Variants in PCDH9 observed in about 807,000 individuals in gnomAD.
The protein encoded by PCDH9 is protocadherin-9.
A neutral mutation model predicts 70.6 loss-of-function variants in PCDH9; 24 were observed. That is an observed-to-expected ratio of 0.34 (90% CI 0.25 to 0.48). PCDH9 has a LOEUF of 0.48. Ranked by LOEUF, PCDH9 falls within the 20% of genes least tolerant of loss-of-function variation. The probability of loss-of-function intolerance (pLI) is 0.99; values close to 1 mark genes in which losing one functional copy is unlikely to be tolerated. For missense variants in PCDH9, 1,281 were observed against 1,503.6 expected (o/e 0.85, Z 2.45); for synonymous variants, 562 against 558.5 (o/e 1.01, Z -0.09).
intron 4 of PCDH9, among the ~76,000 whole-genome samples, chr13:66,545,809 C>CTTAAT (rs1961160961): frequency 7.0e-6 from 1 of 143,404 alleles, no homozygotes; most frequent in South Asian, 2.2e-4. Context: ...TTTTATTTTA[C>CTTAAT]TTTATTTTAT....
intron 4 of PCDH9, among the ~76,000 whole-genome samples, chr13:66,353,478 A>T (rs1956326673): frequency 6.6e-6 from 1 of 152,188 alleles, no homozygotes; most frequent in African/African-American, 2.4e-5. Flanking sequence ...GTGTTTAAGC[A>T]TCACTTTTCA....
chr13:67,153,203 G>A (rs970862184), intron 2 of PCDH9, among the ~76,000 whole-genome samples: 1 of 151,378 alleles, frequency 6.6e-6, no homozygotes, highest in Admixed American at 6.6e-5. Context: ...TCTCCGTCCT[G>A]CAGTCTAGAG....
At position 66,305,037 on chromosome 13, in the gene PCDH9, G is replaced by A; in HGVS notation, c.3341-9C>T. Reference sequence around the variant, plus strand: ...GGGACCCAAAGGCCCATCTGCAGAAGACAAGAGAGAGAAAATAAGAAAAGG... The same window carrying A: ...GGGACCCAAAGGCCCATCTGCAGAAAACAAGAGAGAGAAAATAAGAAAAGG... On this transcript the variant is annotated splice_polypyrimidine_tract_variant and intron_variant, in intron 4 of 4. Transcript: ENST00000377865. 6.4e-7 allele frequency: 1 copy of A among 1,570,588 alleles called. No homozygotes were observed. Among genetic ancestry groups the A allele is most frequent in the Non-Finnish European group, 8.6e-7 (1 of 1,159,644 alleles).
intron 4 of PCDH9, among the ~76,000 whole-genome samples, chr13:66,369,183 A>C (rs1479806851): frequency 6.6e-6 from 1 of 152,112 alleles, no homozygotes; most frequent in Non-Finnish European, 1.5e-5. Context: ...TTTAAGGGTG[A>C]ACATCTGTGC....
At chr13:67,193,258 C>T (rs1033491679) in intron 2 of PCDH9, among the ~76,000 whole-genome samples, 17 of 151,716 alleles carry the variant, frequency 1.1e-4, no homozygotes, top group African/African-American at 4.1e-4. Context: ...GTCATAAGAT[C>T]TTCCCTTTCC....
chr13:66,458,820 T>C (rs17081330), intron 4 of PCDH9, among the ~76,000 whole-genome samples: 2,770 of 152,114 alleles, frequency 0.018, 74 homozygotes, highest in African/African-American at 0.062. Flanking sequence ...CCACTTAAAC[T>C]AAAAGTTAAA....
chr13:67,097,495 A>G (rs367931267), intron 2 of PCDH9, among the ~76,000 whole-genome samples: 33 of 152,096 alleles, frequency 2.2e-4, no homozygotes, highest in African/African-American at 7.2e-4. Context: ...GAAAAAAAAT[A>G]CTTTAATTGT....
At chr13:67,045,467 G>A (rs889200510) in intron 2 of PCDH9, among the ~76,000 whole-genome samples, 3 of 151,554 alleles carry the variant, frequency 2.0e-5, no homozygotes, top group African/African-American at 7.3e-5. Flanking sequence ...CAACAACTTT[G>A]TCTCTCTCTC....
intron 2 of PCDH9, among the ~76,000 whole-genome samples, chr13:67,062,154 A>G (rs1399848324): frequency 6.6e-6 from 1 of 152,162 alleles, no homozygotes; most frequent in East Asian, 1.9e-4. Flanking sequence ...GCCCCAAGTG[A>G]CAGCAAATCA....
chr13:67,220,804 CAT>C (rs1335136087), intron 2 of PCDH9: 1 of 152,062 alleles, frequency 6.6e-6, no homozygotes, highest in Non-Finnish European at 1.5e-5. Flanking sequence ...AGTAACTTTT[CAT>C]TTTTATTCTG....
chr13:67,195,535 A>G (rs1259621202), intron 2 of PCDH9, among the ~76,000 whole-genome samples: 4 of 152,122 alleles, frequency 2.6e-5, no homozygotes, highest in Non-Finnish European at 4.4e-5. Flanking sequence ...ATAATTCGTT[A>G]CTCTTAAGAC....
At chr13:66,428,998 A>T (rs1298746048) in intron 4 of PCDH9, among the ~76,000 whole-genome samples, 3 of 151,864 alleles carry the variant, frequency 2.0e-5, no homozygotes. Context: ...AAGAAAGTTG[A>T]AAAGACGAAA....
chr13:66,547,096 CTAGT>C (rs1335511967), intron 4 of PCDH9, among the ~76,000 whole-genome samples: 5 of 152,098 alleles, frequency 3.3e-5, no homozygotes, highest in Admixed American at 2.6e-4. Context: ...AGTCTTCCAC[CTAGT>C]TATTCATCTT....
chr13:66,515,520 A>G (rs1378270941), intron 4 of PCDH9, among the ~76,000 whole-genome samples: 1 of 151,954 alleles, frequency 6.6e-6, no homozygotes, highest in Admixed American at 6.6e-5. Context: ...AAATCATAAC[A>G]TTATACATAT....
chr13:66,495,182 G>A (rs896378353), intron 4 of PCDH9, among the ~76,000 whole-genome samples: 1 of 152,096 alleles, frequency 6.6e-6, no homozygotes, highest in African/African-American at 2.4e-5. Context: ...AGTACAAAAA[G>A]AAAATTAAAA....
At chr13:66,648,054 G>A (rs1241131462) in intron 3 of PCDH9, among the ~76,000 whole-genome samples, 1 of 152,200 alleles carries the variant, frequency 6.6e-6, no homozygotes, top group East Asian at 1.9e-4. Context: ...GTGCACCAGA[G>A]AGATTCCTAA....
chr13:66,811,609 G>GCCTGCCTAA (rs2080506980), intron 3 of PCDH9, among the ~76,000 whole-genome samples: 1 of 113,788 alleles, frequency 8.8e-6, no homozygotes, highest in South Asian at 3.0e-4. Context: ...CTACCTGTCT[G>GCCTGCCTAA]CCTGCCTAAC....
chr13:66,428,301 T>A (rs1213235496), intron 4 of PCDH9, among the ~76,000 whole-genome samples: 1 of 151,676 alleles, frequency 6.6e-6, no homozygotes, highest in Non-Finnish European at 1.5e-5. Flanking sequence ...AAGTAAAAAC[T>A]ATGTTGGGTT....
intron 2 of PCDH9, among the ~76,000 whole-genome samples, chr13:67,059,872 TTTG>T (rs2085502312): frequency 1.0e-5 from 1 of 99,000 alleles, no homozygotes; most frequent in Non-Finnish European, 1.9e-5. Flanking sequence ...TTGTTTGTTT[TTTG>T]TTTTTTGTTG....
Sources: allele counts gnomAD v4.1 joint callset (sites outside exome capture counted in the v4.1 genomes callset), GRCh38; gene constraint gnomAD v4.1.1; transcripts MANE v1.5; gene names NCBI Gene and HGNC (gene_info 2026-07-23, HGNC 2026-07-21).